The following TMC1 variants were observed in gnomAD, a reference collection of about 807,000 sequenced individuals.
TMC1 encodes the protein transmembrane channel like 1, also known as transmembrane channel-like protein 1.
TMC1 carries 84 observed loss-of-function variants against 105.8 expected under a neutral mutation model. That is an observed-to-expected ratio of 0.79 (90% CI 0.67 to 0.95). The LOEUF (loss-of-function observed/expected upper bound fraction) is 0.95, where lower values mean the gene tolerates loss of function less well. TMC1 is among the 40% of genes least tolerant of loss of function. The pLI is 0.00. For missense variants in TMC1, 817 were observed against 914.1 expected (o/e 0.89, Z 1.37); for synonymous variants, 315 against 311.5 (o/e 1.01, Z -0.12).
chr9:72,682,935 C>A (rs1826311395), intron 5 of TMC1, among the ~76,000 whole-genome samples: 1 of 152,154 alleles, frequency 6.6e-6, no homozygotes, highest in African/African-American at 2.4e-5. Context: ...GTACCTCCTA[C>A]ATGGCCGGAG....
rs374082585 is a variant in TMC1 at position 72,674,325 on chromosome 9, GA to G, written c.17-14383del. Among the ~76,000 whole-genome samples, 128 of 151,956 alleles carry G rather than the reference GA, an allele frequency of 8.4e-4. 1 individual carries two copies. Among genetic ancestry groups the G allele is most frequent in the East Asian group, 6.2e-3 (32 of 5,186 alleles). ...ATATGAAAATGCAAAGGACCTACAA[GA>G]GGCAAACTATCTTTGAAAAAGAAGA... On this transcript the variant is annotated intron_variant, in intron 5 of 23. Coordinates refer to ENST00000297784, the MANE Select transcript of TMC1 (RefSeq NM_138691.3).
intron 1 of TMC1, among the ~76,000 whole-genome samples, chr9:72,536,801 C>T (rs1587943591): frequency 1.3e-5 from 2 of 152,236 alleles, no homozygotes; most frequent in Non-Finnish European, 2.9e-5. Flanking sequence ...ATGCCTGTGC[C>T]TTTTTCAGGC....
chr9:72,552,060 A>G lies in TMC1; in HGVS notation c.-427-25842A>G, dbSNP rs555436682. On this transcript the variant is annotated intron_variant, in intron 1 of 23. Transcript: ENST00000297784. ...TTTGTGTTGTTTTAAGACACCCACCATGTGGTAATTTATTACAGTAGCCCT... is the reference window on the plus strand; with the variant it reads ...TTTGTGTTGTTTTAAGACACCCACCGTGTGGTAATTTATTACAGTAGCCCT... Among the ~76,000 whole-genome samples the G allele has an allele frequency of 4.6e-5, 7 of 152,310 alleles. No homozygotes were observed. The East Asian group carries it at 9.7e-4, about 21-fold the overall frequency.
intron 3 of TMC1, among the ~76,000 whole-genome samples, chr9:72,617,726 A>G (rs1267672800): frequency 6.6e-6 from 1 of 152,194 alleles, no homozygotes; most frequent in East Asian, 1.9e-4. Context: ...AACAACCCAA[A>G]TGTCCACTAA....
At chr9:72,778,944 A>T in intron 13 of TMC1, among the ~76,000 whole-genome samples, 1 of 152,210 alleles carries the variant, frequency 6.6e-6, no homozygotes, top group Non-Finnish European at 1.5e-5. Flanking sequence ...GCCAACACGC[A>T]GGTATGCATG....
Position 72,770,419 on chromosome 9 carries a change from G to A in TMC1, c.742-1994G>A, listed in dbSNP as rs1459535680. On this transcript the variant is annotated intron_variant, in intron 12 of 23. Transcript: ENST00000297784. ...TATATATGCATATAAAATTTGTTGGGTTTTTTTTTTTTTTTTTGAGACGGG... is the reference window on the plus strand; with the variant it reads ...TATATATGCATATAAAATTTGTTGGATTTTTTTTTTTTTTTTTGAGACGGG... 3.3e-5 allele frequency among the ~76,000 whole-genome samples: 4 copies of A among 120,478 alleles called. No individual in the cohort carries two copies. The East Asian group carries it at 7.0e-4, about 21-fold the overall frequency. The allele number at this position is 120,478 out of a possible 152,430, so 79.0% of individuals were successfully genotyped here. A position where few individuals can be genotyped will look rare whatever the true frequency, so the allele number is the denominator to read the frequency against.
At chr9:72,745,632 C>A (rs1185354129) in intron 10 of TMC1, among the ~76,000 whole-genome samples, 2 of 151,942 alleles carry the variant, frequency 1.3e-5, no homozygotes, top group African/African-American at 4.8e-5. Flanking sequence ...AAATATGAAA[C>A]CTATGTAAGA....
Position 72,698,638 on chromosome 9 carries a change from T to C in TMC1, c.237-1880T>C, listed in dbSNP as rs547753347. Among the ~76,000 whole-genome samples, 248 of 152,230 alleles carry C rather than the reference T, an allele frequency of 1.6e-3. 1 individual carries two copies. Among genetic ancestry groups the C allele is most frequent in the Non-Finnish European group, 2.6e-3 (175 of 68,002 alleles). On this transcript the variant is annotated intron_variant, in intron 7 of 23. Coordinates refer to ENST00000297784, the MANE Select transcript of TMC1 (RefSeq NM_138691.3). ...TGCAGAAAAGGTAAAAAGAGAACACTAAAGTATCATAGTGACGGTAACTAC... is the reference window on the plus strand; with the variant it reads ...TGCAGAAAAGGTAAAAAGAGAACACCAAAGTATCATAGTGACGGTAACTAC...
chr9:72,696,043 T>C (rs1373628), intron 7 of TMC1, among the ~76,000 whole-genome samples: 77,925 of 152,046 alleles, frequency 0.51, 21,306 homozygotes, highest in African/African-American at 0.73. Flanking sequence ...GGTATTTCAT[T>C]GAGAAAACAT....
intron 10 of TMC1, among the ~76,000 whole-genome samples, chr9:72,744,190 A>G (rs1827447793): frequency 6.6e-6 from 1 of 152,186 alleles, no homozygotes; most frequent in African/African-American, 2.4e-5. Flanking sequence ...TCCCAGTGCC[A>G]TTTCTCTCTT....
At chr9:72,725,543 C>T (rs1473041076) in intron 8 of TMC1, among the ~76,000 whole-genome samples, 1 of 151,470 alleles carries the variant, frequency 6.6e-6, no homozygotes, top group Non-Finnish European at 1.5e-5. Context: ...GCATCCAGCA[C>T]AGGAGAAAGA....
At chr9:72,629,886 G>A (rs570981259) in intron 4 of TMC1, among the ~76,000 whole-genome samples, 1 of 151,716 alleles carries the variant, frequency 6.6e-6, no homozygotes, top group African/African-American at 2.4e-5. Flanking sequence ...ATTTTTTTGA[G>A]GTGGAGTCTC....
intron 1 of TMC1, among the ~76,000 whole-genome samples, chr9:72,535,054 GAA>G (rs1554709595): frequency 1.6e-4 from 20 of 125,776 alleles, no homozygotes; most frequent in South Asian, 1.4e-3. Flanking sequence ...TAGAGAGAGA[GAA>G]AAAAAAAAAG....
intron 13 of TMC1, among the ~76,000 whole-genome samples, chr9:72,774,079 G>A (rs1335746483): frequency 6.6e-6 from 1 of 152,062 alleles, no homozygotes; most frequent in Non-Finnish European, 1.5e-5. Context: ...ATAATTCATA[G>A]GCTTATTTAA....
At chr9:72,582,939 G>C (rs965376345) in intron 2 of TMC1, among the ~76,000 whole-genome samples, 1 of 152,084 alleles carries the variant, frequency 6.6e-6, no homozygotes, top group African/African-American at 2.4e-5. Context: ...AAACAGACAG[G>C]GCTGGGCGCA....
At chr9:72,545,330 T>TTAA (rs59435280) in intron 1 of TMC1, among the ~76,000 whole-genome samples, 17 of 150,914 alleles carry the variant, frequency 1.1e-4, no homozygotes, top group East Asian at 9.7e-4. Context: ...ATGTTTTTTT[T>TTAA]AAAAAAAAAC....
chr9:72,780,046 A>C (rs1828068250), intron 13 of TMC1, among the ~76,000 whole-genome samples: 2 of 152,202 alleles, frequency 1.3e-5, no homozygotes, highest in South Asian at 2.1e-4. Context: ...AGAACCCATC[A>C]CACTAATGGC....
intron 3 of TMC1, among the ~76,000 whole-genome samples, chr9:72,625,254 TAAAC>T (rs1207758703): frequency 6.6e-6 from 1 of 152,194 alleles, no homozygotes; most frequent in Non-Finnish European, 1.5e-5. Flanking sequence ...CCCCTGCAGC[TAAAC>T]AAATTGGATT....
intron 8 of TMC1, among the ~76,000 whole-genome samples, chr9:72,736,794 A>T (rs1323931286): frequency 2.0e-5 from 3 of 152,184 alleles, no homozygotes; most frequent in Non-Finnish European, 4.4e-5. Flanking sequence ...ATGGGTTCCT[A>T]AAAATCCCGA....
Sources: allele counts gnomAD v4.1 joint callset (sites outside exome capture counted in the v4.1 genomes callset), GRCh38; gene constraint gnomAD v4.1.1; transcripts MANE v1.5; gene names NCBI Gene and HGNC (gene_info 2026-07-23, HGNC 2026-07-21).